The following ABR variants were observed in gnomAD, a reference collection of about 807,000 sequenced individuals.
The protein encoded by ABR is ABR activator of RhoGEF and GTPase, also known as active breakpoint cluster region-related protein.
ABR carries 35 observed loss-of-function variants against 107.2 expected under a neutral mutation model. The ratio of observed to expected loss-of-function variants is 0.33; its 90% confidence interval spans 0.25 to 0.43. The LOEUF (loss-of-function observed/expected upper bound fraction) is 0.43. ABR is among the 20% of genes least tolerant of loss of function. The probability of loss-of-function intolerance (pLI) is 1.00; values close to 1 mark genes in which losing one functional copy is unlikely to be tolerated. For synonymous variants in ABR, 498 were observed against 462.0 expected (o/e 1.08, Z -1.00); for missense variants, 815 against 1,115.2 (o/e 0.73, Z 3.83).
chr17:1,047,872 G>A (rs1006651371), intron 16 of ABR, among the ~76,000 whole-genome samples: 1 of 152,208 alleles, frequency 6.6e-6, no homozygotes, highest in Non-Finnish European at 1.5e-5. Context: ...CCAGGTGGGG[G>A]AATGTGCCCT....
intron 9 of ABR, among the ~76,000 whole-genome samples, chr17:1,069,018 C>G (rs371163068): frequency 1.3e-5 from 2 of 152,150 alleles, no homozygotes; most frequent in East Asian, 3.9e-4. Context: ...TCAGAGATGT[C>G]TAATAAAAGG....
At chr17:1,079,723 A>C (rs1025631244) in intron 5 of ABR, among the ~76,000 whole-genome samples, 7 of 136,004 alleles carry the variant, frequency 5.1e-5, no homozygotes, top group African/African-American at 1.9e-4. Flanking sequence ...TGGGAGGCGG[A>C]GGTTGCAGTG....
chr17:1,191,375 T>TTTTTTG (rs1567878920), upstream of ABR, among the ~76,000 whole-genome samples: 1 of 143,452 alleles, frequency 7.0e-6, no homozygotes, highest in African/African-American at 2.8e-5. Context: ...TTTTTTTTTT[T>TTTTTTG]GAGACAGAGT....
chr17:1,203,654 C>G (rs185777158), intron 1 of ABR, among the ~76,000 whole-genome samples: 1 of 152,284 alleles, frequency 6.6e-6, no homozygotes, highest in Non-Finnish European at 1.5e-5. Flanking sequence ...TGTTCGGCCT[C>G]GGTTTCTGAG....
chr17:1,095,815 C>T (rs2037381019), intron 3 of ABR, among the ~76,000 whole-genome samples: 1 of 152,256 alleles, frequency 6.6e-6, no homozygotes, highest in Non-Finnish European at 1.5e-5. Flanking sequence ...GTACCCACTT[C>T]CTCCACCTCC....
intron 1 of ABR, among the ~76,000 whole-genome samples, chr17:1,196,128 CAA>C (rs71148443): frequency 0.34 from 42,247 of 123,518 alleles, 7,175 homozygotes; most frequent in East Asian, 0.63. Context: ...GATTCTGTCT[CAA>C]AAAAAAAAAA....
chr17:1,022,331 C>T (rs2071756860), intron 16 of ABR: 1 of 152,356 alleles, frequency 6.6e-6, no homozygotes, highest in Non-Finnish European at 1.5e-5. Flanking sequence ...CTGGCTTTCC[C>T]CTGCCCTCCC....
intron 5 of ABR, among the ~76,000 whole-genome samples, chr17:1,082,868 G>A (rs956815140): frequency 2.0e-5 from 3 of 152,036 alleles, no homozygotes; most frequent in South Asian, 2.1e-4. Context: ...TCAGTGGCTC[G>A]CACCTGTAAT....
upstream of ABR, among the ~76,000 whole-genome samples, chr17:1,191,618 A>C (rs930752154): frequency 7.2e-5 from 11 of 152,002 alleles, no homozygotes; most frequent in African/African-American, 2.7e-4. Context: ...GGCCTCCCAA[A>C]GTGCTGGGAC....
Position 1,179,802 on chromosome 17 carries a change from C to T in ABR, c.-75G>A, listed in dbSNP as rs2042060311. 9 of 1,291,958 alleles carry T rather than the reference C, an allele frequency of 7.0e-6. No individual in the cohort carries two copies. The South Asian group carries it at 1.5e-4, about 21-fold the overall frequency. The allele number at this position is 1,291,958 out of a possible 1,614,324, so 80.0% of individuals were successfully genotyped here. ...CAAAGGAGGGAGAGCGGGCGGGAGC[C>T]GGGGGAGGCCGAAGTTGCGAGCGCG... On this transcript the variant is annotated 5_prime_UTR_variant, in exon 1 of 23. Coordinates refer to ENST00000302538, the MANE Select transcript of ABR (RefSeq NM_021962.5). The surrounding 1 kb of genome is among the most constrained non-coding windows in gnomAD (Gnocchi z 4.9).
chr17:1,213,955 T>C (rs2042951723), intron 1 of ABR, among the ~76,000 whole-genome samples: 1 of 151,918 alleles, frequency 6.6e-6, no homozygotes, highest in African/African-American at 2.4e-5. Context: ...TGGCACAATC[T>C]CGGCTCACTG....
intron 14 of ABR, among the ~76,000 whole-genome samples, chr17:1,054,358 T>C (rs1255754342): frequency 6.6e-6 from 1 of 152,168 alleles, no homozygotes; most frequent in Non-Finnish European, 1.5e-5. Context: ...GGAGACCTGG[T>C]TCCCGCCCTC....
intron 16 of ABR, among the ~76,000 whole-genome samples, chr17:1,036,923 G>A (rs904825336): frequency 5.3e-5 from 8 of 152,158 alleles, no homozygotes; most frequent in African/African-American, 1.9e-4. Flanking sequence ...TCAGCCTGGG[G>A]ACAGGAGTCA....
intron 1 of ABR, among the ~76,000 whole-genome samples, chr17:1,141,031 A>T (rs1270973833): frequency 2.6e-5 from 4 of 152,172 alleles, no homozygotes; most frequent in Non-Finnish European, 4.4e-5. Context: ...AATGACATTA[A>T]ATAACATGAT....
intron 1 of ABR, among the ~76,000 whole-genome samples, chr17:1,141,993 G>C (rs1339580651): frequency 6.6e-6 from 1 of 151,844 alleles, no homozygotes; most frequent in Non-Finnish European, 1.5e-5. Flanking sequence ...CCTGACCTCA[G>C]GTGATCCACC....
At chr17:1,057,643 CTGTGTATG>C (rs201859556) in intron 12 of ABR, among the ~76,000 whole-genome samples, 5,571 of 63,152 alleles carry the variant, frequency 0.088, 232 homozygotes, top group East Asian at 0.22. Context: ...TACCCAGCCT[CTGTGTATG>C]TGTGTATGTG....
intron 16 of ABR, 39 bp from the exon 17 acceptor site, chr17:1,013,203 G>T: frequency 1.2e-6 from 2 of 1,600,134 alleles, no homozygotes; most frequent in Non-Finnish European, 1.7e-6. Context: ...GTGCCAGCTC[G>T]GAGGCCAAGC....
chr17:1,065,822 T>G (rs1445258903), intron 10 of ABR, among the ~76,000 whole-genome samples: 1 of 144,652 alleles, frequency 6.9e-6, no homozygotes, highest in Non-Finnish European at 1.5e-5. Flanking sequence ...CTCAGCTCAA[T>G]GCAACCTCTG....
chr17:1,112,884 G>T (rs374089312), intron 2 of ABR, among the ~76,000 whole-genome samples: 20 of 140,312 alleles, frequency 1.4e-4, no homozygotes, highest in African/African-American at 2.3e-4. Flanking sequence ...CAATCAGCAA[G>T]CATTTGTTAA....
Sources: allele counts gnomAD v4.1 joint callset (sites outside exome capture counted in the v4.1 genomes callset), GRCh38; gene constraint gnomAD v4.1.1; non-coding constraint Gnocchi (gnomAD v3.1); transcripts MANE v1.5; gene names NCBI Gene and HGNC (gene_info 2026-07-23, HGNC 2026-07-21).